The following SIAH1 variants were observed in gnomAD, a reference collection of about 807,000 sequenced individuals.
SIAH1 encodes E3 ubiquitin-protein ligase SIAH1.
Under a neutral mutation model 20.0 loss-of-function variants are expected in SIAH1, and 2 were observed. That is an observed-to-expected ratio of 0.10 (90% confidence interval 0.04 to 0.31). The LOEUF (loss-of-function observed/expected upper bound fraction) is 0.31. SIAH1 is among the 10% of genes least tolerant of loss of function. The pLI is 1.00. For missense variants in SIAH1, 119 were observed against 355.3 expected (o/e 0.33, Z 5.35); for synonymous variants, 118 against 125.3 (o/e 0.94, Z 0.39).
chr16:48,374,412 C>G (rs1314396087), intron 1 of SIAH1, among the ~76,000 whole-genome samples: 1 of 152,172 alleles, frequency 6.6e-6, no homozygotes, highest in Admixed American at 6.5e-5. Context: ...GAATTCTATA[C>G]CCAACTATCT....
At chr16:48,365,312 A>G in intron 1 of SIAH1, 2 of 1,513,502 alleles carry the variant, frequency 1.3e-6, no homozygotes, top group Non-Finnish European at 1.8e-6. Context: ...GCCATTCCCT[A>G]AGCCAGGCAG....
Position 48,361,421 on chromosome 16 carries a change from T to C in SIAH1, c.*159A>G. The C allele has an allele frequency of 1.5e-6, 1 of 657,700 alleles. No individual in the cohort carries two copies. The highest frequency in any genetic ancestry group is 2.6e-6 in the Non-Finnish European group (1 of 384,336). 40.7% of individuals were successfully genotyped at this position (657,700 alleles called of 1,614,324 possible). A position where few individuals can be genotyped will look rare whatever the true frequency, so the allele number is the denominator to read the frequency against. ...TTTTAAATATATTAGTGTTACTACA[T>C]GCAACTGTTTCCTGTATTTAACAGC... On this transcript the variant is annotated 3_prime_UTR_variant, in exon 2 of 2. Coordinates refer to ENST00000394725, the MANE Select transcript of SIAH1 (RefSeq NM_003031.4).
chr16:48,371,879 A>C (rs1453848727), intron 1 of SIAH1, among the ~76,000 whole-genome samples: 3 of 152,160 alleles, frequency 2.0e-5, no homozygotes, highest in African/African-American at 7.2e-5. Context: ...CTTTTACTCC[A>C]TCTTGGCATT....
chr16:48,363,889 ATCAG>A (rs914723824), intron 1 of SIAH1: 4 of 164,994 alleles, frequency 2.4e-5, no homozygotes, highest in South Asian at 2.1e-4. Flanking sequence ...GAAAAAAAAG[ATCAG>A]TCAATGTCCT....
At chr16:48,382,319 G>A (rs1195356265) in intron 1 of SIAH1, among the ~76,000 whole-genome samples, 1 of 152,040 alleles carries the variant, frequency 6.6e-6, no homozygotes, top group Admixed American at 6.6e-5. Flanking sequence ...CCCAGTTGGA[G>A]GCCACAATAA....
chr16:48,383,742 T>A (rs977949717), intron 1 of SIAH1, among the ~76,000 whole-genome samples: 1 of 152,198 alleles, frequency 6.6e-6, no homozygotes, highest in Non-Finnish European at 1.5e-5. Flanking sequence ...TAATTTATCA[T>A]ACAAATCTCC....
At chr16:48,364,585 A>G (rs1960753924) in intron 1 of SIAH1, among the ~76,000 whole-genome samples, 1 of 152,204 alleles carries the variant, frequency 6.6e-6, no homozygotes, top group Non-Finnish European at 1.5e-5. Context: ...TCCCCTGACA[A>G]AGGACTATAA....
chr16:48,361,912 G>C lies in SIAH1; in HGVS notation c.517C>G (p.Pro173Ala), dbSNP rs1178159370. The stretch of plus-strand genomic sequence containing the variant: ...ATCATCACCCAGTCAACAGCACCAG[G>C]AAGATTAATGTCTGTAGCAAGAAAA... ...IVFLATDINLPGAVDWVMMQS... is the reference protein window; with the variant it reads ...IVFLATDINLAGAVDWVMMQS... Residue 173 changes from proline to alanine, a missense_variant, in exon 2 of 2, where the codon CCT becomes GCT. This residue lies in a region of SIAH1 where 84 missense variants were observed against 307.8 expected (regional missense o/e 0.27). Transcript: ENST00000394725. 1 of 1,614,016 alleles carries C rather than the reference G, an allele frequency of 6.2e-7. No homozygotes were observed. The highest frequency in any genetic ancestry group is 8.5e-7 in the Non-Finnish European group (1 of 1,180,028).
At chr16:48,369,157 A>C (rs548736438) in intron 1 of SIAH1, among the ~76,000 whole-genome samples, 2 of 152,364 alleles carry the variant, frequency 1.3e-5, no homozygotes, top group Admixed American at 6.5e-5. Flanking sequence ...TAAATTAAAC[A>C]ATCTATAGCT....
intron 1 of SIAH1, among the ~76,000 whole-genome samples, chr16:48,383,731 T>C (rs1348639963): frequency 6.6e-6 from 1 of 152,188 alleles, no homozygotes; most frequent in Non-Finnish European, 1.5e-5. Flanking sequence ...AGAAAGTCTG[T>C]TAATTTATCA....
At position 48,362,596 on chromosome 16, in the gene SIAH1, A is replaced by G. The variant is rs1597018466; in HGVS notation, c.-2-166T>C. The stretch of plus-strand genomic sequence containing the variant: ...AAAGATATTAAAAAAATAAAATTAC[A>G]CTGAATGTGCACTTTATTAGGATCT... On this transcript the variant is annotated intron_variant, in intron 1 of 1. Coordinates refer to ENST00000394725, the MANE Select transcript of SIAH1 (RefSeq NM_003031.4). This position sits in a 1 kb window ranked among gnomAD's most constrained non-coding sequence, Gnocchi z 4.2. 3 of 674,770 alleles carry G rather than the reference A, an allele frequency of 4.4e-6. No individual in the cohort carries two copies. The East Asian group carries it at 8.5e-5, about 19-fold the overall frequency. 41.8% of individuals were successfully genotyped at this position (674,770 alleles called of 1,614,324 possible). A position where few individuals can be genotyped will look rare whatever the true frequency, so the allele number is the denominator to read the frequency against.
At chr16:48,379,375 T>A (rs1025942659) in intron 1 of SIAH1, among the ~76,000 whole-genome samples, 2 of 152,122 alleles carry the variant, frequency 1.3e-5, no homozygotes, top group African/African-American at 2.4e-5. Context: ...AATACAATCA[T>A]GACCAAAGGC....
chr16:48,369,259 T>C (rs1175951040), intron 1 of SIAH1, among the ~76,000 whole-genome samples: 2 of 152,184 alleles, frequency 1.3e-5, no homozygotes, highest in Non-Finnish European at 2.9e-5. Flanking sequence ...TTCTGAAAAC[T>C]TTGCAGCTAC....
rs143389011 is a variant in SIAH1 at position 48,383,607 on chromosome 16, A to C, written c.-3+1597T>G. ...AGTCCTTGAAAGTGAACTGATCAAT[A>C]AATCTAAACTAGCTAAGAGAAGACC... On this transcript the variant is annotated intron_variant, in intron 1 of 1. Coordinates refer to ENST00000394725, the MANE Select transcript of SIAH1 (RefSeq NM_003031.4). Among the ~76,000 whole-genome samples the C allele has an allele frequency of 1.4e-3, 219 of 152,340 alleles. 1 individual carries two copies. The highest frequency in any genetic ancestry group is 5.1e-3 in the African/African-American group (212 of 41,572).
intron 1 of SIAH1, chr16:48,365,644 C>A: frequency 7.0e-7 from 1 of 1,427,756 alleles, no homozygotes. Flanking sequence ...GAAAGGAAGC[C>A]TTTCCATCCC....
chr16:48,362,443 C>T lies in SIAH1; in HGVS notation c.-2-13G>A. 1 of 1,612,080 alleles carries T rather than the reference C, an allele frequency of 6.2e-7. No individual in the cohort carries two copies. The highest frequency in any genetic ancestry group is 8.5e-7 in the Non-Finnish European group (1 of 1,178,622). ...TGACGGCTCATTTCTGAAATAAATA[C>T]ATAAGGAGGCAGGAGAAAAATAATT... is the stretch of plus-strand genomic sequence containing the variant. On this transcript the variant is annotated splice_polypyrimidine_tract_variant and intron_variant, in intron 1 of 1. Transcript: ENST00000394725. This position sits in a 1 kb window ranked among gnomAD's most constrained non-coding sequence, Gnocchi z 4.2.
At chr16:48,370,195 A>G (rs1211143192) in intron 1 of SIAH1, among the ~76,000 whole-genome samples, 1 of 152,230 alleles carries the variant, frequency 6.6e-6, no homozygotes. Flanking sequence ...ACTGATGGCA[A>G]GAATGGCCAC....
intron 1 of SIAH1, among the ~76,000 whole-genome samples, chr16:48,382,092 G>A (rs1326648417): frequency 6.6e-6 from 1 of 152,140 alleles, no homozygotes; most frequent in Non-Finnish European, 1.5e-5. Context: ...CAAAAAGATT[G>A]GAGGCCAGGC....
In SIAH1 at chr16:48,361,701, A is replaced by G. The variant is rs1960605941; in HGVS notation, c.728T>C (p.Ile243Thr). 1 of 1,614,188 alleles carries G rather than the reference A, an allele frequency of 6.2e-7. No homozygotes were observed. Among genetic ancestry groups the G allele is most frequent in the Admixed American group, 1.7e-5 (1 of 60,026 alleles). The change falls in exon 2 of 2, where the codon ATT becomes ACT. Residue 243 changes from isoleucine (I) to threonine (T), a missense_variant. By Grantham distance (89) the Ile-to-Thr change is moderately conservative. Around this residue, in one of 2 missense-constraint regions of SIAH1, gnomAD observed 84 missense variants for 307.8 expected, o/e 0.27. Transcript: ENST00000394725. ...AATGGCTGTTGCAATTCCTTCATGAATAGATCGAGGAGTCGCTTCCCAAGT... is the reference window on the plus strand; with the variant it reads ...AATGGCTGTTGCAATTCCTTCATGAGTAGATCGAGGAGTCGCTTCCCAAGT... The part of the protein sequence containing the change: ...RLTWEATPRS[I>T]HEGIATAIMN...
Sources: allele counts gnomAD v4.1 joint callset (sites outside exome capture counted in the v4.1 genomes callset), GRCh38; gene constraint gnomAD v4.1.1; regional missense constraint gnomAD v4.1.1; non-coding constraint Gnocchi (gnomAD v3.1); transcripts MANE v1.5; gene names NCBI Gene and HGNC (gene_info 2026-07-23, HGNC 2026-07-21).